EPHA3: variants seen among roughly 807,000 people sequenced by gnomAD.
EPHA3 encodes ephrin type-A receptor 3.
EPHA3 carries 42 observed loss-of-function variants against 107.1 expected under a neutral mutation model. That is an observed-to-expected ratio of 0.39 (90% CI 0.31 to 0.51). The LOEUF is 0.51. EPHA3 is among the 20% of genes least tolerant of loss of function. The pLI, the probability that EPHA3 is intolerant of heterozygous loss-of-function variation, is 0.78. For synonymous variants in EPHA3, 461 were observed against 424.8 expected (o/e 1.09, Z -1.05); for missense variants, 1,183 against 1,211.2 (o/e 0.98, Z 0.35).
intron 5 of EPHA3, among the ~76,000 whole-genome samples, chr3:89,372,067 A>G (rs953430647): frequency 5.9e-5 from 9 of 151,624 alleles, no homozygotes; most frequent in South Asian, 2.1e-4. Flanking sequence ...TGTCACCACA[A>G]GTTTAAGTTT....
At position 89,459,436 on chromosome 3, in the gene EPHA3, T is replaced by C. The variant is rs534167166; in HGVS notation, c.2690+9066T>C. Among the ~76,000 whole-genome samples the C allele has an allele frequency of 2.1e-4, 32 of 152,110 alleles. No individual in the cohort carries two copies. In the East Asian group the frequency reaches 6.2e-3, roughly 29 times the overall value. ...TCCTCTTTTTCTTACTCTTTCTTTC[T>C]TTCTTTCTCTTTCTTTCTTCCCTTC... On this transcript the variant is annotated intron_variant, in intron 15 of 16. Coordinates refer to ENST00000336596, the MANE Select transcript of EPHA3 (RefSeq NM_005233.6).
intron 13 of EPHA3, among the ~76,000 whole-genome samples, chr3:89,436,084 T>A (rs183124394): frequency 6.6e-6 from 1 of 151,800 alleles, no homozygotes; most frequent in Non-Finnish European, 1.5e-5. Context: ...GAAGCTGCAG[T>A]GAGCTAAAGC....
At chr3:89,306,829 A>T (rs1706634656) in intron 3 of EPHA3, among the ~76,000 whole-genome samples, 1 of 152,194 alleles carries the variant, frequency 6.6e-6, no homozygotes, top group African/African-American at 2.4e-5. Flanking sequence ...TGTGAAGTGG[A>T]TACTTGCCAA....
intron 3 of EPHA3, among the ~76,000 whole-genome samples, chr3:89,306,596 G>A (rs1390213285): frequency 1.3e-5 from 2 of 152,116 alleles, no homozygotes; most frequent in African/African-American, 4.8e-5. Flanking sequence ...GGAATGGGCT[G>A]TACAATGGCA....
chr3:89,355,584 A>G (rs1360433079), intron 5 of EPHA3, among the ~76,000 whole-genome samples: 1 of 150,958 alleles, frequency 6.6e-6, no homozygotes, highest in Non-Finnish European at 1.5e-5. Flanking sequence ...TTGTTTAGAA[A>G]TGAATTTAAG....
rs1226550228 is a variant in EPHA3 at position 89,232,410 on chromosome 3, G to A, written c.814+21890G>A. Reference sequence around the variant, plus strand: ...TGTCTTGTCAGGTGGAACAAACTGGGTGGGAAAGGACAGACTGGTGAAAGG... The same window carrying A: ...TGTCTTGTCAGGTGGAACAAACTGGATGGGAAAGGACAGACTGGTGAAAGG... On this transcript the variant is annotated intron_variant, in intron 3 of 16. Coordinates refer to ENST00000336596, the MANE Select transcript of EPHA3 (RefSeq NM_005233.6). Among the ~76,000 whole-genome samples, 5 of 152,086 alleles carry A rather than the reference G, an allele frequency of 3.3e-5. No individual in the cohort carries two copies. In the East Asian group the frequency reaches 5.8e-4, roughly 18 times the overall value.
chr3:89,443,597 A>G (rs2107548221), intron 13 of EPHA3, among the ~76,000 whole-genome samples: 1 of 152,334 alleles, frequency 6.6e-6, no homozygotes, highest in South Asian at 2.1e-4. Flanking sequence ...AGAAATCTTT[A>G]GAAAAATCTA....
chr3:89,286,354 C>T (rs1369809980), intron 3 of EPHA3, among the ~76,000 whole-genome samples: 4 of 151,748 alleles, frequency 2.6e-5, no homozygotes, highest in African/African-American at 4.8e-5. Context: ...AAATCAGAGC[C>T]GTTGTAGCCT....
chr3:89,454,184 C>G (rs183929990), intron 15 of EPHA3, among the ~76,000 whole-genome samples: 45 of 152,182 alleles, frequency 3.0e-4, no homozygotes, highest in Admixed American at 2.9e-3. Flanking sequence ...GGTGATATTG[C>G]TTGTCAATAT....
chr3:89,113,937 TTGAAG>T (rs1364881776), intron 1 of EPHA3, among the ~76,000 whole-genome samples: 1 of 152,126 alleles, frequency 6.6e-6, no homozygotes, highest in African/African-American at 2.4e-5. Context: ...AGCCTCAAAT[TTGAAG>T]TGATGTTATT....
chr3:89,301,830 T>G (rs554900003), intron 3 of EPHA3, among the ~76,000 whole-genome samples: 20 of 152,062 alleles, frequency 1.3e-4, no homozygotes, highest in Admixed American at 2.6e-4. Context: ...ATGATATGGG[T>G]GTTGATAAAC....
intron 2 of EPHA3, among the ~76,000 whole-genome samples, chr3:89,161,832 A>G (rs1704950006): frequency 6.6e-6 from 1 of 151,878 alleles, no homozygotes; most frequent in Non-Finnish European, 1.5e-5. Context: ...ATAAAACATT[A>G]GCTGGATATG....
rs572288873 is a variant in EPHA3 at position 89,450,214 on chromosome 3, C to G, written c.2534C>G (p.Pro845Arg). The G allele has an allele frequency of 1.2e-6, 2 of 1,609,420 alleles. No homozygotes were observed. Among genetic ancestry groups the G allele is most frequent in the Non-Finnish European group, 1.7e-6 (2 of 1,177,804 alleles). Residue 845 changes from proline (P) to arginine (R), a missense_variant, in exon 15 of 17, where the codon CCC becomes CGC. Transcript: ENST00000336596. ...GTAGATGAGGGCTATCGACTGCCAC[C>G]CCCCATGGACTGCCCAGCTGCCTTG... ...KAVDEGYRLP[P>R]PMDCPAALYQ...
intron 1 of EPHA3, among the ~76,000 whole-genome samples, chr3:89,108,992 AT>A (rs1707037332): frequency 6.6e-6 from 1 of 152,180 alleles, no homozygotes; most frequent in African/African-American, 2.4e-5. Flanking sequence ...ATACTGTTGT[AT>A]ATGTACCTTA....
At chr3:89,273,430 C>T (rs1023189977) in intron 3 of EPHA3, among the ~76,000 whole-genome samples, 1 of 151,804 alleles carries the variant, frequency 6.6e-6, no homozygotes, top group East Asian at 1.9e-4. Context: ...TTTCTTTTTG[C>T]CCATTTCCAT....
chr3:89,473,108 TAAC>T (rs752621215), intron 16 of EPHA3, among the ~76,000 whole-genome samples: 4 of 152,164 alleles, frequency 2.6e-5, no homozygotes, highest in Non-Finnish European at 5.9e-5. Flanking sequence ...TAAATAAACA[TAAC>T]AACATGTATT....
chr3:89,131,006 A>C (rs1161927079), intron 2 of EPHA3, among the ~76,000 whole-genome samples: 1 of 152,214 alleles, frequency 6.6e-6, no homozygotes. Flanking sequence ...TACTACATAT[A>C]TTATTAGGCC....
intron 5 of EPHA3, among the ~76,000 whole-genome samples, chr3:89,390,722 T>G (rs1405041107): frequency 4.0e-5 from 6 of 151,808 alleles, no homozygotes. Context: ...AAGAAAACAC[T>G]GTGAGCAAGT....
chr3:89,158,129 A>C (rs540429481), intron 2 of EPHA3, among the ~76,000 whole-genome samples: 39 of 152,310 alleles, frequency 2.6e-4, no homozygotes, highest in African/African-American at 9.1e-4. Flanking sequence ...ACATTCTATT[A>C]TAATTTTGTA....
Sources: allele counts gnomAD v4.1 joint callset (sites outside exome capture counted in the v4.1 genomes callset), GRCh38; gene constraint gnomAD v4.1.1; transcripts MANE v1.5; gene names NCBI Gene and HGNC (gene_info 2026-07-23, HGNC 2026-07-21).